ZNF83: variants seen among roughly 807,000 people sequenced by gnomAD.
ZNF83 encodes the protein zinc finger protein 83.
For missense variants in ZNF83, 552 were observed against 629.9 expected, an observed-to-expected ratio of 0.88 and a Z score of 1.32; for synonymous variants, 209 against 213.0, an observed-to-expected ratio of 0.98 and a Z score of 0.17.
In ZNF83 at chr19:52,676,685, G is replaced by A. The variant is rs1276592798; in HGVS notation, c.-283+13758C>T. Among the ~76,000 whole-genome samples, 18 of 135,292 alleles carry A rather than the reference G, an allele frequency of 1.3e-4. No homozygotes were observed. The East Asian group carries it at 2.6e-3, about 19-fold the overall frequency. 88.8% of individuals were successfully genotyped at this position (135,292 alleles called of 152,430 possible). On this transcript the variant is annotated intron_variant, in intron 1 of 5. Transcript: ENST00000594682. Reference sequence around the variant, plus strand: ...CAATGGCGGCTTTGTGGAATAGAAAGCGGGGAAAGGTGGGGAAAAGATTGA... The same window carrying A: ...CAATGGCGGCTTTGTGGAATAGAAAACGGGGAAAGGTGGGGAAAAGATTGA...
At position 52,613,362 on chromosome 19, in the gene ZNF83, G is replaced by C; in HGVS notation, c.1203C>G (p.Tyr401Ter). ...AGACTTTGCCACATTCATCACATTT[G>C]TAAGGTTTCTCTCCAGTATGGATTC... Residue 401 changes from tyrosine to a stop codon, truncating the protein, a stop_gained, in exon 3 of 3, where the codon TAC (tyrosine) becomes TAG (stop). Coordinates refer to ENST00000301096, the Ensembl canonical transcript of ZNF83. LOFTEE classifies it low-confidence loss of function (END_TRUNC). 1 of 1,613,840 alleles carries C rather than the reference G, an allele frequency of 6.2e-7. No homozygotes were observed. Among genetic ancestry groups the C allele is most frequent in the Non-Finnish European group, 8.5e-7 (1 of 1,179,820 alleles).
In ZNF83 at chr19:52,631,540, T is replaced by C. The variant is rs181484165; in HGVS notation, c.-234+3526A>G. Among the ~76,000 whole-genome samples, 106 of 152,300 alleles carry C rather than the reference T, an allele frequency of 7.0e-4. 2 individuals carry two copies. The highest frequency in any genetic ancestry group is 2.3e-3 in the African/African-American group (97 of 41,560). On this transcript the variant is annotated intron_variant, in intron 2 of 2. Coordinates refer to ENST00000301096, the Ensembl canonical transcript of ZNF83. ...TTTTCTTCCTCATACCTGATGCATA[T>C]ACTTTCTGCTCCCTGGCTCCTTCAG...
chr19:52,647,859 C>T (rs1423293141), intron 3 of ZNF83, among the ~76,000 whole-genome samples: 1 of 151,640 alleles, frequency 6.6e-6, no homozygotes, highest in Non-Finnish European at 1.5e-5. Context: ...CCCATCTCTG[C>T]ACCTCCTCTT....
chr19:52,613,452 T>C, exon 3 of ZNF83: 3 of 1,614,100 alleles, frequency 1.9e-6, no homozygotes, highest in Non-Finnish European at 2.5e-6. Context: ...ACTTATAAGG[T>C]TTCTCACCGG....
intron 1 of ZNF83, among the ~76,000 whole-genome samples, chr19:52,687,258 A>T (rs1397251117): frequency 6.8e-6 from 1 of 146,580 alleles, no homozygotes; most frequent in Non-Finnish European, 1.5e-5. Flanking sequence ...GGGAGGTCAA[A>T]GCAGGAGGAT....
At chr19:52,672,464 G>C (rs746789914) in intron 1 of ZNF83, among the ~76,000 whole-genome samples, 13 of 152,302 alleles carry the variant, frequency 8.5e-5, no homozygotes, top group Non-Finnish European at 1.5e-4. Flanking sequence ...AAAGCATAAT[G>C]TCGTCAGGCA....
intron 3 of ZNF83, chr19:52,653,202 G>A: frequency 6.5e-7 from 1 of 1,528,380 alleles, no homozygotes; most frequent in Non-Finnish European, 9.0e-7. Flanking sequence ...ACTTCTGACT[G>A]AAGGTCTTGC....
intron 1 of ZNF83, among the ~76,000 whole-genome samples, chr19:52,661,910 A>G (rs2061585399): frequency 1.4e-5 from 2 of 139,810 alleles, no homozygotes; most frequent in Non-Finnish European, 1.6e-5. Flanking sequence ...AGCTGATGGG[A>G]CAGAGAGTCC....
In ZNF83 at chr19:52,613,866, G is replaced by C. The variant is rs566776221; in HGVS notation, c.699C>G (p.Tyr233Ter). 1.2e-6 allele frequency: 2 copies of C among 1,614,032 alleles called. No homozygotes were observed. The highest frequency in any genetic ancestry group is 2.2e-5 in the South Asian group (2 of 91,074). The change falls in exon 3 of 3, where the codon TAC becomes TAG. Residue 233 changes from tyrosine (Y) to a stop codon, truncating the protein, a stop_gained. Transcript: ENST00000301096. LOFTEE classifies it low-confidence loss of function (END_TRUNC). ...ACACCTTGCCACATTTGTTACATTC[G>C]TAAGGTTTTTCTCCAGTATGAATTG...
At chr19:52,657,425 T>C (rs1230863444) in intron 2 of ZNF83, among the ~76,000 whole-genome samples, 4 of 151,826 alleles carry the variant, frequency 2.6e-5, no homozygotes, top group African/African-American at 9.7e-5. Context: ...GCCTCATCAA[T>C]ATGGTGAAAC....
chr19:52,681,078 A>G (rs2061909381), intron 1 of ZNF83, among the ~76,000 whole-genome samples: 1 of 151,752 alleles, frequency 6.6e-6, no homozygotes, highest in Non-Finnish European at 1.5e-5. Context: ...TGAGGTCAAG[A>G]GTTGGAAACC....
In ZNF83 at chr19:52,647,462, A is replaced by C. The variant is rs536768752; in HGVS notation, c.-74+8099T>G. ...TGCCCTGTTAATTTTTGTTTTTTGG[A>C]AGAGATGGGGGGTCTCACTATGTTA... is the stretch of plus-strand genomic sequence containing the variant. On this transcript the variant is annotated intron_variant, in intron 3 of 5. Coordinates refer to the ZNF83 transcript ENST00000594682. Among the ~76,000 whole-genome samples, 8 of 151,914 alleles carry C rather than the reference A, an allele frequency of 5.3e-5. No individual in the cohort carries two copies. In the South Asian group the frequency reaches 6.3e-4, roughly 12 times the overall value.
At position 52,615,737 on chromosome 19, in the gene ZNF83, A is replaced by T. The variant is rs550603945; in HGVS notation, c.-233-940T>A. ...ATTTCCTGAAGTTTAGGATGTAAGC[A>T]TCTCAGTCTACAGTATTTCTTATGG... On this transcript the variant is annotated intron_variant, in intron 2 of 2. Coordinates refer to ENST00000301096, the Ensembl canonical transcript of ZNF83. 6.8e-4 allele frequency among the ~76,000 whole-genome samples: 104 copies of T among 152,360 alleles called. 1 individual carries two copies. The highest frequency in any genetic ancestry group is 3.4e-3 in the Middle Eastern group (1 of 294).
chr19:52,654,323 G>A, intron 3 of ZNF83: 1 of 1,450,550 alleles, frequency 6.9e-7, no homozygotes, highest in Non-Finnish European at 9.6e-7. Flanking sequence ...TTATGTCTTT[G>A]CAATGTCCCT....
chr19:52,665,728 G>C (rs1325423784), intron 1 of ZNF83, among the ~76,000 whole-genome samples: 2 of 152,156 alleles, frequency 1.3e-5, no homozygotes, highest in African/African-American at 2.4e-5. Flanking sequence ...AGCTTAGCCT[G>C]TGCGGTCTAA....
intron 1 of ZNF83, among the ~76,000 whole-genome samples, chr19:52,675,149 T>G (rs1248737370): frequency 1.3e-5 from 2 of 152,202 alleles, no homozygotes; most frequent in Non-Finnish European, 2.9e-5. Flanking sequence ...CTATAAAGCT[T>G]GCGTTACTTG....
Position 52,613,135 on chromosome 19 carries a change from G to A in ZNF83, c.1430C>T (p.Ala477Val), listed in dbSNP as rs149457093. The A allele has an allele frequency of 3.3e-4, 525 of 1,603,796 alleles. 1 individual carries two copies. The highest frequency in any genetic ancestry group is 7.2e-4 in the Admixed American group (42 of 58,686). Residue 477 changes from alanine (A) to valine (V), a missense_variant, in exon 3 of 3, where the codon GCG (alanine) becomes GTG (valine). Transcript: ENST00000301096. Reference sequence around the variant, plus strand: ...GAAATGTTTCTCTCCAGTGTGGATCGCATGATGATTAGTGAGGCTTGAACG... The same window carrying A: ...GAAATGTTTCTCTCCAGTGTGGATCACATGATGATTAGTGAGGCTTGAACG...
intron 2 of ZNF83, among the ~76,000 whole-genome samples, chr19:52,627,024 C>T (rs940957816): frequency 2.0e-5 from 3 of 152,286 alleles, no homozygotes; most frequent in African/African-American, 7.2e-5. Context: ...TCCATTATGA[C>T]TTGTTCCTGC....
At chr19:52,667,360 T>C (rs1471266299) in intron 1 of ZNF83, among the ~76,000 whole-genome samples, 2 of 152,134 alleles carry the variant, frequency 1.3e-5, no homozygotes, top group East Asian at 1.9e-4. Flanking sequence ...TTGAGGCATG[T>C]TGAAGAATTG....
Sources: gnomAD v4.1 joint callset for allele counts (sites outside exome capture counted in the v4.1 genomes callset) on GRCh38, gnomAD v4.1.1 for gene constraint, MANE v1.5 for transcripts, NCBI Gene and HGNC (gene_info 2026-07-23, HGNC 2026-07-21) for gene names.